ARHGAP42: variants seen among roughly 807,000 people sequenced by gnomAD.
The protein encoded by ARHGAP42 is rho GTPase-activating protein 42.
In ARHGAP42, 63 loss-of-function variants were observed where a neutral mutation model predicts 125.0. The observed-to-expected ratio is 0.50, with a 90% confidence interval of 0.41 to 0.62. The LOEUF (loss-of-function observed/expected upper bound fraction) is 0.62, where lower values mean the gene tolerates loss of function less well. ARHGAP42 is among the 20% of genes least tolerant of loss of function. The pLI, the probability that ARHGAP42 is intolerant of heterozygous loss-of-function variation, is 0.00. For missense variants in ARHGAP42, 766 were observed against 1,024.2 expected, an observed-to-expected ratio of 0.75 and a Z score of 3.44; for synonymous variants, 339 against 351.0, an observed-to-expected ratio of 0.97 and a Z score of 0.38.
intron 18 of ARHGAP42, among the ~76,000 whole-genome samples, chr11:100,973,938 A>C (rs1675354377): frequency 6.6e-6 from 1 of 152,186 alleles, no homozygotes; most frequent in African/African-American, 2.4e-5. Flanking sequence ...CAGCACCCAC[A>C]GAAGCATGCC....
At chr11:100,824,316 A>AATG (rs1864464193) in intron 3 of ARHGAP42, among the ~76,000 whole-genome samples, 2 of 152,148 alleles carry the variant, frequency 1.3e-5, no homozygotes, top group Non-Finnish European at 2.9e-5. Flanking sequence ...GTTAAAGTTT[A>AATG]ATGATGCTTG....
At chr11:100,851,606 C>T (rs2135128352) in intron 3 of ARHGAP42, among the ~76,000 whole-genome samples, 1 of 152,168 alleles carries the variant, frequency 6.6e-6, no homozygotes, top group Middle Eastern at 3.4e-3. Context: ...TACTTTTGAT[C>T]ATTATTTTAG....
At chr11:100,770,505 AC>A (rs1862947653) in intron 2 of ARHGAP42, 67 bp downstream of exon 2, 1 of 1,055,358 alleles carries the variant, frequency 9.5e-7, no homozygotes, top group African/African-American at 1.6e-5. Context: ...ATAGACACAC[AC>A]CTAAATAATA....
chr11:100,860,952 G>A (rs990802592), intron 4 of ARHGAP42, among the ~76,000 whole-genome samples: 8 of 152,210 alleles, frequency 5.3e-5, no homozygotes, highest in African/African-American at 1.9e-4. Flanking sequence ...TAAGATGAAC[G>A]GATGTAGCTG....
chr11:100,964,443 A>G (rs1408348077), intron 16 of ARHGAP42, among the ~76,000 whole-genome samples: 1 of 152,252 alleles, frequency 6.6e-6, no homozygotes, highest in South Asian at 2.1e-4. Flanking sequence ...TGATGTCTCC[A>G]TTCCAATTGC....
intron 8 of ARHGAP42, among the ~76,000 whole-genome samples, chr11:100,940,959 G>T (rs661973): frequency 0.83 from 126,402 of 152,104 alleles, 52,600 homozygotes; most frequent in African/African-American, 0.86. Flanking sequence ...TTCAGACAGT[G>T]ATAACCGCTA....
At chr11:100,742,981 T>C (rs1190207766) in intron 1 of ARHGAP42, among the ~76,000 whole-genome samples, 1 of 152,226 alleles carries the variant, frequency 6.6e-6, no homozygotes, top group Non-Finnish European at 1.5e-5. Context: ...GTGAGTCTCT[T>C]GAAGACAGCA....
chr11:100,925,432 T>A (rs563240938), intron 6 of ARHGAP42, among the ~76,000 whole-genome samples: 5 of 152,210 alleles, frequency 3.3e-5, no homozygotes, highest in Admixed American at 2.0e-4. Flanking sequence ...ACTGTTTTTT[T>A]AAAGTATTTA....
At chr11:100,737,190 T>C (rs1256048493) in intron 1 of ARHGAP42, among the ~76,000 whole-genome samples, 1 of 152,204 alleles carries the variant, frequency 6.6e-6, no homozygotes, top group African/African-American at 2.4e-5. Context: ...GAACTAGCTT[T>C]TGATAGTATT....
rs116102473 is a variant in ARHGAP42, at chr11:100,944,394, G to A, written c.1043+526G>A. ...TCGTGAATCTAAGTGTATAATTTAA[G>A]TTTACAATAAGAATGGGTATGCTTC... On this transcript the variant is annotated intron_variant, in intron 10 of 23. Coordinates refer to ENST00000298815, the MANE Select transcript of ARHGAP42 (RefSeq NM_152432.4). Among the ~76,000 whole-genome samples, 1,105 of 152,192 alleles carry A rather than the reference G, an allele frequency of 7.3e-3. 18 individuals carry two copies. The highest frequency in any genetic ancestry group is 0.025 in the African/African-American group (1,035 of 41,534).
chr11:100,952,507 C>A (rs1475596669), intron 12 of ARHGAP42, among the ~76,000 whole-genome samples: 1 of 152,024 alleles, frequency 6.6e-6, no homozygotes, highest in Admixed American at 6.6e-5. Flanking sequence ...TTTGCATAAA[C>A]TAAACTTATT....
intron 3 of ARHGAP42, among the ~76,000 whole-genome samples, chr11:100,838,200 C>T (rs192012036): frequency 1.5e-3 from 226 of 151,862 alleles, no homozygotes; most frequent in African/African-American, 4.6e-3. Flanking sequence ...CTGCATTTTG[C>T]GCAGGAATTA....
Position 100,968,327 on chromosome 11 carries a change from C to T in ARHGAP42, c.1550+2551C>T, listed in dbSNP as rs557731015. Among the ~76,000 whole-genome samples, 7 of 152,142 alleles carry T rather than the reference C, an allele frequency of 4.6e-5. No homozygotes were observed. In the South Asian group the frequency reaches 1.5e-3, roughly 32 times the overall value. ...TTGATGTGGTTGGACCTATATCTAC[C>T]ATTTTTCTTTTTGTTTTCTATATGT... is the stretch of plus-strand genomic sequence containing the variant. On this transcript the variant is annotated intron_variant, in intron 17 of 23. Transcript: ENST00000298815.
intron 1 of ARHGAP42, among the ~76,000 whole-genome samples, chr11:100,692,997 A>G (rs1384986646): frequency 1.3e-5 from 2 of 152,104 alleles, no homozygotes; most frequent in East Asian, 3.8e-4. Flanking sequence ...TAGCTACTAG[A>G]ATTTTTGGTA....
At position 100,726,080 on chromosome 11, in the gene ARHGAP42, T is replaced by TAAA. The variant is rs34713091; in HGVS notation, c.154+38264_154+38266dup. 8.2e-3 allele frequency among the ~76,000 whole-genome samples: 1,030 copies of TAAA among 125,432 alleles called. 10 individuals are homozygous for TAAA. Among genetic ancestry groups the TAAA allele is most frequent in the South Asian group, 0.024 (90 of 3,688 alleles). 82.3% of individuals were successfully genotyped at this position (125,432 alleles called of 152,430 possible). On this transcript the variant is annotated intron_variant, in intron 1 of 23. Coordinates refer to ENST00000298815, the MANE Select transcript of ARHGAP42 (RefSeq NM_152432.4). ...ACCTGGGAGAAAGACCTTGTCTCTC[T>TAAA]AAAAAAAAAAAAAAAAAAGTTACTA...
intron 4 of ARHGAP42, among the ~76,000 whole-genome samples, chr11:100,903,698 A>T (rs1591282731): frequency 9.6e-6 from 1 of 104,538 alleles, no homozygotes; most frequent in Non-Finnish European, 2.0e-5. Context: ...ATATATATAC[A>T]TGTCCCTCAA....
chr11:100,888,335 A>C (rs569918373), intron 4 of ARHGAP42, among the ~76,000 whole-genome samples: 13 of 152,138 alleles, frequency 8.5e-5, no homozygotes, highest in African/African-American at 3.1e-4. Flanking sequence ...CATTTCTTGT[A>C]AAGTGCCAAA....
chr11:100,865,075 A>AAT (rs1346096495), intron 4 of ARHGAP42, among the ~76,000 whole-genome samples: 1 of 152,338 alleles, frequency 6.6e-6, no homozygotes, highest in African/African-American at 2.4e-5. Context: ...AGAAATCAAC[A>AAT]ATATATTGCT....
At chr11:100,865,071 CA>C (rs1296842157) in intron 4 of ARHGAP42, among the ~76,000 whole-genome samples, 1 of 152,070 alleles carries the variant, frequency 6.6e-6, no homozygotes, top group Non-Finnish European at 1.5e-5. Flanking sequence ...ATATAGAAAT[CA>C]ACAATATATT....
Sources: allele counts gnomAD v4.1 joint callset (sites outside exome capture counted in the v4.1 genomes callset), GRCh38; gene constraint gnomAD v4.1.1; transcripts MANE v1.5; gene names NCBI Gene and HGNC (gene_info 2026-07-23, HGNC 2026-07-21).